ADK: variants seen among roughly 807,000 people sequenced by gnomAD.
The protein encoded by ADK is adenosine kinase, also known as N6,N6-dimethyladenosine kinase.
Under a neutral mutation model 44.7 loss-of-function variants are expected in ADK, and 24 were observed. The ratio of observed to expected loss-of-function variants is 0.54; its 90% CI spans 0.39 to 0.76. ADK has a LOEUF of 0.76. ADK is among the 30% of genes least tolerant of loss of function. The probability of loss-of-function intolerance (pLI) is 0.00; values close to 1 mark genes in which losing one functional copy is unlikely to be tolerated. For missense variants in ADK, 321 were observed against 425.1 expected (o/e 0.76, Z 2.15); for synonymous variants, 128 against 142.6 (o/e 0.90, Z 0.73).
intron 4 of ADK, among the ~76,000 whole-genome samples, chr10:74,390,719 C>G (rs1843301669): frequency 6.6e-6 from 1 of 152,122 alleles, no homozygotes; most frequent in Non-Finnish European, 1.5e-5. Flanking sequence ...TGTATTAGTA[C>G]TATTTCTTTA....
Position 74,151,273 on chromosome 10 carries a change from G to A in ADK, c.-6G>A. The A allele has an allele frequency of 1.9e-6, 3 of 1,549,678 alleles. No homozygotes were observed. The highest frequency in any genetic ancestry group is 2.6e-6 in the Non-Finnish European group (3 of 1,146,856). ...TGTAGAGCCAAAGTGGGGTGGGAGCGCGAAGATGGCAGCTGCTGAGGAGGA... is the reference window on the plus strand; with the variant it reads ...TGTAGAGCCAAAGTGGGGTGGGAGCACGAAGATGGCAGCTGCTGAGGAGGA... On this transcript the variant is annotated 5_prime_UTR_variant, in exon 1 of 11. Coordinates refer to ENST00000539909, the MANE Select transcript of ADK (RefSeq NM_006721.4).
At position 74,476,348 on chromosome 10, in the gene ADK, C is replaced by T. The variant is rs530729761; in HGVS notation, c.556-48908C>T. Reference sequence around the variant, plus strand: ...GTCTCTAACAAAAATACAAAATTAGCCGGGCGTAGTGACACATGCTGTAAT... The same window carrying T: ...GTCTCTAACAAAAATACAAAATTAGTCGGGCGTAGTGACACATGCTGTAAT... On this transcript the variant is annotated intron_variant, in intron 6 of 10. Transcript: ENST00000539909. Among the ~76,000 whole-genome samples the T allele has an allele frequency of 3.3e-5, 5 of 151,988 alleles. No homozygotes were observed. In the East Asian group the frequency reaches 9.7e-4, roughly 29 times the overall value.
chr10:74,302,137 T>TGG (rs1564642405), intron 3 of ADK, among the ~76,000 whole-genome samples: 2 of 103,822 alleles, frequency 1.9e-5, no homozygotes, highest in Non-Finnish European at 3.8e-5. Context: ...TTTTTTTTTT[T>TGG]TTTTTTTTTG....
At chr10:74,614,517 T>G (rs746351760) in intron 9 of ADK, among the ~76,000 whole-genome samples, 1 of 152,128 alleles carries the variant, frequency 6.6e-6, no homozygotes, top group African/African-American at 2.4e-5. Flanking sequence ...ACAATACTTA[T>G]AGCACTTAAG....
chr10:74,343,434 C>T (rs1467252631), intron 4 of ADK, among the ~76,000 whole-genome samples: 8 of 152,054 alleles, frequency 5.3e-5, no homozygotes, highest in South Asian at 2.1e-4. Flanking sequence ...GGAAATGTTT[C>T]GTGAGAAAAG....
At chr10:74,151,721 C>T (rs1432647894) in intron 1 of ADK, among the ~76,000 whole-genome samples, 2 of 152,160 alleles carry the variant, frequency 1.3e-5, no homozygotes, top group Non-Finnish European at 2.9e-5. Flanking sequence ...GAAAGAGGCT[C>T]GGCAACTGCT....
At chr10:74,198,077 A>G (rs7096553) in intron 1 of ADK, among the ~76,000 whole-genome samples, 31,462 of 152,038 alleles carry the variant, frequency 0.21, 4,414 homozygotes, top group African/African-American at 0.4. Context: ...AAAATAAAAA[A>G]CCAAGTAGCC....
At chr10:74,303,738 C>T (rs1462929571) in intron 3 of ADK, among the ~76,000 whole-genome samples, 2 of 151,216 alleles carry the variant, frequency 1.3e-5, no homozygotes, top group Admixed American at 6.6e-5. Flanking sequence ...GAGGCTGAGG[C>T]GGGTGGATCA....
chr10:74,638,982 A>AT (rs891142150), intron 9 of ADK, among the ~76,000 whole-genome samples: 3 of 151,828 alleles, frequency 2.0e-5, no homozygotes, highest in Non-Finnish European at 2.9e-5. Context: ...CAATTTTTAA[A>AT]TTTTTTTGTA....
chr10:74,177,783 C>T (rs1842396907), intron 1 of ADK, among the ~76,000 whole-genome samples: 2 of 151,900 alleles, frequency 1.3e-5, no homozygotes, highest in African/African-American at 2.4e-5. Context: ...GCTTTCCAGG[C>T]TCCACCCGTC....
At chr10:74,305,367 T>C (rs1840209481) in intron 3 of ADK, among the ~76,000 whole-genome samples, 1 of 152,204 alleles carries the variant, frequency 6.6e-6, no homozygotes, top group African/African-American at 2.4e-5. Context: ...GACTCTACTA[T>C]AGGAAATCAT....
chr10:74,484,568 C>T (rs1381256119), intron 6 of ADK, among the ~76,000 whole-genome samples: 2 of 151,974 alleles, frequency 1.3e-5, no homozygotes, highest in East Asian at 3.9e-4. Flanking sequence ...CCTTTCCAAC[C>T]AAAAAACAAG....
intron 6 of ADK, among the ~76,000 whole-genome samples, chr10:74,449,609 A>G (rs1473492425): frequency 6.6e-6 from 1 of 152,224 alleles, no homozygotes; most frequent in East Asian, 1.9e-4. Context: ...TATAAAGGAA[A>G]CAAAGGTATC....
chr10:74,342,898 A>G (rs1013447037), intron 4 of ADK, among the ~76,000 whole-genome samples: 1 of 151,982 alleles, frequency 6.6e-6, no homozygotes, highest in Non-Finnish European at 1.5e-5. Context: ...ATGATTTTCT[A>G]TAAACAAAAC....
chr10:74,419,241 C>T (rs1266140859), intron 6 of ADK, among the ~76,000 whole-genome samples: 1 of 152,044 alleles, frequency 6.6e-6, no homozygotes, highest in Non-Finnish European at 1.5e-5. Context: ...ATATGCAAAG[C>T]ACTCTATTGC....
chr10:74,192,732 GCC>G (rs1842995377), intron 1 of ADK, among the ~76,000 whole-genome samples: 1 of 151,074 alleles, frequency 6.6e-6, no homozygotes, highest in Non-Finnish European at 1.5e-5. Context: ...TTACTATGTT[GCC>G]CAGGCTGGTC....
chr10:74,575,115 T>C (rs935441948), intron 7 of ADK, among the ~76,000 whole-genome samples: 1 of 152,206 alleles, frequency 6.6e-6, no homozygotes, highest in Non-Finnish European at 1.5e-5. Context: ...ATCAAGTCAG[T>C]GTCAATCTAA....
At chr10:74,421,250 T>A (rs1844545153) in intron 6 of ADK, among the ~76,000 whole-genome samples, 1 of 152,200 alleles carries the variant, frequency 6.6e-6, no homozygotes, top group African/African-American at 2.4e-5. Context: ...TTGGTAAATT[T>A]GTTTCTCATA....
At chr10:74,281,691 G>GA (rs987589218) in intron 3 of ADK, among the ~76,000 whole-genome samples, 1 of 151,826 alleles carries the variant, frequency 6.6e-6, no homozygotes, top group African/African-American at 2.4e-5. Context: ...AGCTAGCTAA[G>GA]AAAAAAAATC....
Sources: gnomAD v4.1 joint callset for allele counts (sites outside exome capture counted in the v4.1 genomes callset) on GRCh38, gnomAD v4.1.1 for gene constraint, MANE v1.5 for transcripts, NCBI Gene and HGNC (gene_info 2026-07-23, HGNC 2026-07-21) for gene names.